Variants in PRKCB observed in about 807,000 individuals in gnomAD.
The protein encoded by PRKCB is protein kinase C beta, also known as protein kinase C beta type.
A neutral mutation model predicts 81.5 loss-of-function variants in PRKCB; 13 were observed. The observed-to-expected ratio is 0.16, with a 90% CI of 0.10 to 0.25. The LOEUF (loss-of-function observed/expected upper bound fraction) is 0.25. PRKCB is among the 10% of genes least tolerant of loss of function. The probability of loss-of-function intolerance (pLI) is 1.00; values close to 1 mark genes in which losing one functional copy is unlikely to be tolerated. For missense variants in PRKCB, 509 were observed against 875.7 expected, an observed-to-expected ratio of 0.58 and a Z score of 5.29; for synonymous variants, 335 against 321.4, an observed-to-expected ratio of 1.04 and a Z score of -0.45.
intron 8 of PRKCB, among the ~76,000 whole-genome samples, chr16:24,114,275 A>G (rs1415981706): frequency 6.7e-6 from 1 of 149,800 alleles, no homozygotes; most frequent in Admixed American, 6.6e-5. Context: ...TCTCAAAAAA[A>G]AAAAAAATAA....
At chr16:24,020,969 C>CT (rs1470901821) in intron 3 of PRKCB, among the ~76,000 whole-genome samples, 4 of 123,736 alleles carry the variant, frequency 3.2e-5, no homozygotes, top group Admixed American at 2.5e-4. Flanking sequence ...CTGAGAGAGA[C>CT]TTTTCTTTTT....
intron 2 of PRKCB, among the ~76,000 whole-genome samples, chr16:23,924,482 C>T (rs898551078): frequency 1.1e-4 from 16 of 151,990 alleles, no homozygotes; most frequent in Non-Finnish European, 2.4e-4. Flanking sequence ...TTTGATCTGG[C>T]GACCACCACA....
At chr16:24,156,908 G>A (rs945751665) in intron 10 of PRKCB, among the ~76,000 whole-genome samples, 2 of 152,158 alleles carry the variant, frequency 1.3e-5, no homozygotes, top group African/African-American at 2.4e-5. Context: ...AAGTAAGAAA[G>A]GGACCTTGTG....
At chr16:24,009,157 T>C in intron 3 of PRKCB, among the ~76,000 whole-genome samples, 1 of 152,200 alleles carries the variant, frequency 6.6e-6, no homozygotes, top group East Asian at 1.9e-4. Context: ...GCAATGAACA[T>C]GGAACTGCTA....
intron 9 of PRKCB, among the ~76,000 whole-genome samples, chr16:24,136,493 G>A (rs754281156): frequency 2.0e-5 from 3 of 152,126 alleles, no homozygotes; most frequent in Non-Finnish European, 4.4e-5. Context: ...CTGGGGGGTT[G>A]TAGGGGGGCC....
intron 2 of PRKCB, among the ~76,000 whole-genome samples, chr16:23,857,229 G>A (rs1270958703): frequency 6.6e-6 from 1 of 152,186 alleles, no homozygotes; most frequent in Non-Finnish European, 1.5e-5. Flanking sequence ...CCTGTCACTC[G>A]GGTGAAGTGT....
chr16:23,895,791 G>C (rs2141119973), intron 2 of PRKCB, among the ~76,000 whole-genome samples: 1 of 152,250 alleles, frequency 6.6e-6, no homozygotes, highest in East Asian at 1.9e-4. Flanking sequence ...GCTCATCATA[G>C]TGCCAGGCAC....
At chr16:23,967,233 G>A (rs1324944773) in intron 2 of PRKCB, among the ~76,000 whole-genome samples, 1 of 152,170 alleles carries the variant, frequency 6.6e-6, no homozygotes, top group African/African-American at 2.4e-5. Flanking sequence ...AGATGACGCT[G>A]CCACCAGGCA....
chr16:24,174,456 C>T, intron 11 of PRKCB, 62 bp from the exon 12 acceptor site: 1 of 1,430,460 alleles, frequency 7.0e-7, no homozygotes, highest in Non-Finnish European at 9.8e-7. Flanking sequence ...GAATTCTGAG[C>T]ATTGCCAAGC....
intron 3 of PRKCB, among the ~76,000 whole-genome samples, chr16:23,993,925 A>T (rs761118584): frequency 3.3e-5 from 5 of 152,188 alleles, no homozygotes; most frequent in Admixed American, 6.5e-5. Context: ...ACAGAAGTCT[A>T]ACTTGAATCA....
chr16:24,109,116 C>A (rs1223446012), intron 7 of PRKCB, among the ~76,000 whole-genome samples: 1 of 143,788 alleles, frequency 7.0e-6, no homozygotes, highest in Non-Finnish European at 1.5e-5. Flanking sequence ...CGGGCAGAGG[C>A]GCCCCTCACC....
chr16:24,051,453 ATTGG>A (rs926337318), intron 5 of PRKCB, among the ~76,000 whole-genome samples: 1 of 152,014 alleles, frequency 6.6e-6, no homozygotes, highest in African/African-American at 2.4e-5. Flanking sequence ...TGGGCTTTGG[ATTGG>A]TTGGTTTGCA....
At position 23,996,389 on chromosome 16, in the gene PRKCB, C is replaced by A. The variant is rs1280506965; in HGVS notation, c.288+7799C>A. ...ATGGGCTCAGCAGCATAGACTTCCA[C>A]TCATCAAGGCTGACCTGGCTATGGC... On this transcript the variant is annotated intron_variant, in intron 3 of 16. Transcript: ENST00000643927. Among the ~76,000 whole-genome samples, 9 of 152,188 alleles carry A rather than the reference C, an allele frequency of 5.9e-5. 1 individual carries two copies. The highest frequency in any genetic ancestry group is 5.9e-4 in the Admixed American group (9 of 15,274).
chr16:24,034,778 C>G (rs911210618), intron 4 of PRKCB, among the ~76,000 whole-genome samples: 2 of 152,106 alleles, frequency 1.3e-5, no homozygotes, highest in African/African-American at 4.8e-5. Context: ...GCCCAGCCCT[C>G]TTGTCTCAGT....
At chr16:23,959,571 C>G (rs1481740738) in intron 2 of PRKCB, among the ~76,000 whole-genome samples, 1 of 152,220 alleles carries the variant, frequency 6.6e-6, no homozygotes, top group Admixed American at 6.5e-5. Context: ...TCGAGGACTT[C>G]TGCACAGAAA....
At chr16:24,176,739 C>T (rs1030429479) in intron 12 of PRKCB, among the ~76,000 whole-genome samples, 7 of 151,872 alleles carry the variant, frequency 4.6e-5, no homozygotes, top group South Asian at 4.2e-4. Flanking sequence ...CTAAAAAATA[C>T]GAATATTAGC....
chr16:24,196,767 T>C (rs1246560307), intron 16 of PRKCB, among the ~76,000 whole-genome samples: 2 of 152,246 alleles, frequency 1.3e-5, no homozygotes, highest in African/African-American at 4.8e-5. Flanking sequence ...AACTCAGTGC[T>C]GCAGGGTGCA....
intron 5 of PRKCB, among the ~76,000 whole-genome samples, chr16:24,047,035 A>G (rs1965775511): frequency 6.6e-6 from 1 of 151,964 alleles, no homozygotes; most frequent in South Asian, 2.1e-4. Flanking sequence ...TGAGAAAAAA[A>G]GTCTTAAAAA....
At chr16:24,090,612 G>C (rs1352383743) in intron 5 of PRKCB, among the ~76,000 whole-genome samples, 1 of 152,204 alleles carries the variant, frequency 6.6e-6, no homozygotes, top group Non-Finnish European at 1.5e-5. Context: ...AAGCAAGAGG[G>C]AATAGGGAGA....
Sources: allele counts gnomAD v4.1 joint callset (sites outside exome capture counted in the v4.1 genomes callset), GRCh38; gene constraint gnomAD v4.1.1; transcripts MANE v1.5; gene names NCBI Gene and HGNC (gene_info 2026-07-23, HGNC 2026-07-21).